CHRM3: variants seen among roughly 807,000 people sequenced by gnomAD.
CHRM3 encodes the protein muscarinic acetylcholine receptor M3.
A neutral mutation model predicts 41.8 loss-of-function variants in CHRM3; 11 were observed. The observed-to-expected ratio is 0.26, with a 90% CI of 0.17 to 0.44. The LOEUF (loss-of-function observed/expected upper bound fraction) is 0.44. Ranked by LOEUF, CHRM3 falls within the 20% of genes least tolerant of loss-of-function variation. CHRM3 has a pLI of 1.00. For synonymous variants in CHRM3, 297 were observed against 301.4 expected (o/e 0.99, Z 0.15); for missense variants, 571 against 745.4 (o/e 0.77, Z 2.72).
intron 6 of CHRM3, among the ~76,000 whole-genome samples, chr1:239,890,529 A>C (rs1490544143): frequency 6.6e-6 from 1 of 152,134 alleles, no homozygotes; most frequent in Non-Finnish European, 1.5e-5. Flanking sequence ...TTACTGAATT[A>C]TTATAAGGAT....
At chr1:239,815,275 T>C (rs1671483610) in intron 5 of CHRM3, among the ~76,000 whole-genome samples, 1 of 152,202 alleles carries the variant, frequency 6.6e-6, no homozygotes, top group Non-Finnish European at 1.5e-5. Context: ...TCAGGACATA[T>C]CAAAATGTAC....
chr1:239,724,655 A>C (rs1663272813), intron 5 of CHRM3, among the ~76,000 whole-genome samples: 1 of 151,918 alleles, frequency 6.6e-6, no homozygotes. Flanking sequence ...AGGATTCTTT[A>C]GTTGGGCATT....
intron 6 of CHRM3, among the ~76,000 whole-genome samples, chr1:239,828,824 C>G (rs1222564961): frequency 6.6e-6 from 1 of 152,188 alleles, no homozygotes; most frequent in East Asian, 1.9e-4. Flanking sequence ...GGAAGTGTCA[C>G]TCTGCCTGCT....
chr1:239,744,491 A>G (rs975817693), intron 5 of CHRM3, among the ~76,000 whole-genome samples: 2 of 152,070 alleles, frequency 1.3e-5, no homozygotes, highest in South Asian at 2.1e-4. Context: ...GCCGGTGGCT[A>G]TGGGGGAGGG....
intron 3 of CHRM3, among the ~76,000 whole-genome samples, chr1:239,571,423 ACT>A (rs1661817149): frequency 6.6e-6 from 1 of 152,124 alleles, no homozygotes; most frequent in Admixed American, 6.6e-5. Flanking sequence ...TCAAATCCAC[ACT>A]GAGGTGCACA....
intron 3 of CHRM3, among the ~76,000 whole-genome samples, chr1:239,611,017 C>T (rs953678760): frequency 6.6e-6 from 1 of 151,998 alleles, no homozygotes; most frequent in African/African-American, 2.4e-5. Flanking sequence ...CGCCACTGCA[C>T]TCCAGCTTGG....
chr1:239,698,216 A>G (rs959903334), intron 5 of CHRM3, among the ~76,000 whole-genome samples: 1 of 152,214 alleles, frequency 6.6e-6, no homozygotes, highest in Non-Finnish European at 1.5e-5. Flanking sequence ...TGATGTCTAT[A>G]CTTGACATTA....
At chr1:239,457,392 A>C (rs950124798) in intron 1 of CHRM3, among the ~76,000 whole-genome samples, 1 of 151,950 alleles carries the variant, frequency 6.6e-6, no homozygotes, top group African/African-American at 2.4e-5. Flanking sequence ...TACAGTTTAC[A>C]CTCCAGAAAA....
intron 3 of CHRM3, among the ~76,000 whole-genome samples, chr1:239,615,013 A>T (rs2148774192): frequency 6.6e-6 from 1 of 152,322 alleles, no homozygotes. Flanking sequence ...ATACTCAAAT[A>T]AAAAGCATAT....
chr1:239,747,308 T>C (rs1665454011), intron 5 of CHRM3, among the ~76,000 whole-genome samples: 1 of 152,178 alleles, frequency 6.6e-6, no homozygotes, highest in African/African-American at 2.4e-5. Flanking sequence ...GATTAGGGAA[T>C]GGTAAACAAA....
chr1:239,410,921 T>G (rs1440265557), intron 1 of CHRM3, among the ~76,000 whole-genome samples: 1 of 152,228 alleles, frequency 6.6e-6, no homozygotes. Context: ...TTTTTCAGCC[T>G]CACTGCTGTG....
At chr1:239,550,169 C>T (rs1017148890) in intron 3 of CHRM3, among the ~76,000 whole-genome samples, 2 of 152,106 alleles carry the variant, frequency 1.3e-5, no homozygotes, top group African/African-American at 4.8e-5. Context: ...ATCCCAGGAG[C>T]TTCCTTGTGC....
chr1:239,540,319 G>T (rs958725068), intron 2 of CHRM3, among the ~76,000 whole-genome samples: 17 of 152,118 alleles, frequency 1.1e-4, no homozygotes, highest in Admixed American at 9.8e-4. Flanking sequence ...AAGTGTTAAG[G>T]TAAGCTGTGT....
intron 5 of CHRM3, among the ~76,000 whole-genome samples, chr1:239,803,804 G>T (rs73127387): frequency 1.3e-5 from 2 of 152,160 alleles, no homozygotes; most frequent in Non-Finnish European, 1.5e-5. Flanking sequence ...GCAGAGCGGG[G>T]TTCCACCAAG....
chr1:239,743,355 T>G (rs1308121781), intron 5 of CHRM3, among the ~76,000 whole-genome samples: 6 of 152,228 alleles, frequency 3.9e-5, no homozygotes, highest in Admixed American at 2.0e-4. Context: ...ATTTGAATTT[T>G]AATTCCCAAT....
chr1:239,457,522 T>C (rs61834717), intron 1 of CHRM3, among the ~76,000 whole-genome samples: 9,817 of 152,194 alleles, frequency 0.065, 595 homozygotes, highest in African/African-American at 0.16. Flanking sequence ...CTATAAAGCA[T>C]CAAGTTTGGT....
intron 5 of CHRM3, among the ~76,000 whole-genome samples, chr1:239,770,049 G>A (rs545331518): frequency 2.0e-5 from 3 of 152,106 alleles, no homozygotes; most frequent in Non-Finnish European, 4.4e-5. Flanking sequence ...GTACTTTTTA[G>A]ATTCTGGAGC....
intron 6 of CHRM3, among the ~76,000 whole-genome samples, chr1:239,853,941 G>A (rs1674900394): frequency 6.6e-6 from 1 of 152,092 alleles, no homozygotes; most frequent in Non-Finnish European, 1.5e-5. Flanking sequence ...GGAAGAGGAT[G>A]CTATGTAATT....
intron 1 of CHRM3, among the ~76,000 whole-genome samples, chr1:239,426,908 T>G (rs1662433888): frequency 6.6e-6 from 1 of 151,976 alleles, no homozygotes; most frequent in South Asian, 2.1e-4. Flanking sequence ...TGGAGATAAT[T>G]GGCAATTTTC....
Sources: allele counts gnomAD v4.1 joint callset (sites outside exome capture counted in the v4.1 genomes callset), GRCh38; gene constraint gnomAD v4.1.1; transcripts MANE v1.5; gene names NCBI Gene and HGNC (gene_info 2026-07-23, HGNC 2026-07-21).